SCHIP1: variants seen among roughly 807,000 people sequenced by gnomAD.
The protein encoded by SCHIP1 is schwannomin interacting protein 1, also known as schwannomin-interacting protein 1.
A neutral mutation model predicts 29.7 loss-of-function variants in SCHIP1; 8 were observed. The ratio of observed to expected loss-of-function variants is 0.27; its 90% CI spans 0.16 to 0.49. The LOEUF is 0.49. SCHIP1 is among the 20% of genes least tolerant of loss of function. SCHIP1 has a pLI of 0.99. For synonymous variants in SCHIP1, 76 were observed against 94.9 expected (o/e 0.80, Z 1.16); for missense variants, 193 against 294.6 (o/e 0.66, Z 2.52).
chr3:159,273,718 A>C, the SCHIP1 span: 1 of 1,529,740 alleles, frequency 6.5e-7, no homozygotes, highest in Non-Finnish European at 8.8e-7. Flanking sequence ...TTTTTAGACA[A>C]CCTTACTAGC....
chr3:159,887,320 G>A (rs1309010842), intron 3 of SCHIP1: 1 of 180,272 alleles, frequency 5.5e-6, no homozygotes, highest in Non-Finnish European at 1.2e-5. Context: ...TTGTCGTTGA[G>A]TGCAGTGCGA....
the SCHIP1 span, among the ~76,000 whole-genome samples, chr3:159,778,264 A>T: frequency 6.6e-6 from 1 of 152,188 alleles, no homozygotes; most frequent in Non-Finnish European, 1.5e-5. Flanking sequence ...AAGTGCTGGG[A>T]TTACAGGCGT....
the SCHIP1 span, among the ~76,000 whole-genome samples, chr3:159,496,751 C>T: frequency 2.0e-5 from 3 of 152,300 alleles, no homozygotes; most frequent in East Asian, 3.9e-4. Flanking sequence ...CATCCCATTA[C>T]TGAGTATATA....
At chr3:159,565,365 G>C in the SCHIP1 span, among the ~76,000 whole-genome samples, 2 of 152,090 alleles carry the variant, frequency 1.3e-5, no homozygotes, top group African/African-American at 4.8e-5. Flanking sequence ...CAACTCATCA[G>C]CCCCATTTTC....
chr3:159,423,517 CATT>C, the SCHIP1 span, among the ~76,000 whole-genome samples: 1 of 152,372 alleles, frequency 6.6e-6, no homozygotes, highest in Non-Finnish European at 1.5e-5. Flanking sequence ...GGGCGCCTGC[CATT>C]GCCCAGGCTT....
the SCHIP1 span, among the ~76,000 whole-genome samples, chr3:159,310,097 G>A: frequency 2.0e-5 from 3 of 152,160 alleles, no homozygotes; most frequent in Admixed American, 2.0e-4. Flanking sequence ...GCATGCCCAA[G>A]TCTGCCAAGA....
chr3:159,445,785 C>G, the SCHIP1 span, among the ~76,000 whole-genome samples: 7 of 146,406 alleles, frequency 4.8e-5, no homozygotes, highest in Non-Finnish European at 1.0e-4. Context: ...GACAAAAAAC[C>G]AAACACTGCA....
the SCHIP1 span, among the ~76,000 whole-genome samples, chr3:159,411,803 T>C: frequency 1.3e-5 from 2 of 152,190 alleles, no homozygotes; most frequent in Non-Finnish European, 2.9e-5. Flanking sequence ...GTCTGTGTCA[T>C]CTGATCCAAA....
upstream of SCHIP1, among the ~76,000 whole-genome samples, chr3:159,839,225 T>C (rs562304467): frequency 4.6e-5 from 7 of 152,076 alleles, no homozygotes; most frequent in South Asian, 2.1e-4. Context: ...ATGTGCTGCA[T>C]TGGGGGGTGT....
At chr3:159,568,858 C>T in the SCHIP1 span, among the ~76,000 whole-genome samples, 17 of 152,100 alleles carry the variant, frequency 1.1e-4, no homozygotes, top group Non-Finnish European at 2.1e-4. Flanking sequence ...TTGTCAATTT[C>T]TCATTAGCAT....
chr3:159,275,008 C>G, the SCHIP1 span: 1 of 979,942 alleles, frequency 1.0e-6, no homozygotes, highest in Non-Finnish European at 1.2e-6. Context: ...TGCTTCTTAA[C>G]TCTTCAGTAA....
At chr3:159,894,840 A>T (rs1254309308) in intron 6 of SCHIP1, 1 of 152,164 alleles carries the variant, frequency 6.6e-6, no homozygotes, top group Non-Finnish European at 1.5e-5. Context: ...TTTGTTTAAA[A>T]TTTTAATGAA....
the SCHIP1 span, among the ~76,000 whole-genome samples, chr3:159,400,658 C>A: frequency 0.027 from 4,054 of 152,260 alleles, 177 homozygotes; most frequent in African/African-American, 0.092. Flanking sequence ...CTCTGCTTAC[C>A]AGAAATCCTC....
At chr3:159,508,068 T>A in the SCHIP1 span, among the ~76,000 whole-genome samples, 2 of 152,220 alleles carry the variant, frequency 1.3e-5, no homozygotes, top group Non-Finnish European at 2.9e-5. Flanking sequence ...GTACCTCTGG[T>A]AGAATTCGGC....
At chr3:159,291,588 G>A in the SCHIP1 span, among the ~76,000 whole-genome samples, 1 of 152,082 alleles carries the variant, frequency 6.6e-6, no homozygotes, top group Non-Finnish European at 1.5e-5. Context: ...TTATACCAAG[G>A]ATGCATCAGA....
chr3:159,382,124 ATACTT>A, the SCHIP1 span, among the ~76,000 whole-genome samples: 14 of 150,902 alleles, frequency 9.3e-5, no homozygotes, highest in African/African-American at 2.7e-4. Context: ...TATTATTACT[ATACTT>A]TAAGTTTTAG....
chr3:159,492,543 T>A, the SCHIP1 span, among the ~76,000 whole-genome samples: 5 of 151,718 alleles, frequency 3.3e-5, no homozygotes, highest in South Asian at 1.0e-3. Flanking sequence ...AGAAGGGAAG[T>A]TTAGAGAAAA....
the SCHIP1 span, among the ~76,000 whole-genome samples, chr3:159,714,866 G>A: frequency 2.0e-5 from 3 of 152,220 alleles, 1 homozygote; most frequent in Non-Finnish European, 2.9e-5. Flanking sequence ...AGACTTAAAC[G>A]TCCCTGTCTG....
chr3:159,556,780 A>T, the SCHIP1 span, among the ~76,000 whole-genome samples: 1 of 58,924 alleles, frequency 1.7e-5, no homozygotes. Context: ...GGGTGGGGGG[A>T]GGGGGGAGGG....
Sources: allele counts gnomAD v4.1 joint callset (sites outside exome capture counted in the v4.1 genomes callset), GRCh38; gene constraint gnomAD v4.1.1; transcripts MANE v1.5; gene names NCBI Gene and HGNC (gene_info 2026-07-23, HGNC 2026-07-21).